The following SLC13A3 variants were observed in gnomAD, a reference collection of about 807,000 sequenced individuals.
The protein encoded by SLC13A3 is solute carrier family 13 member 3.
In SLC13A3, 40 loss-of-function variants were observed where a neutral mutation model predicts 59.0. The ratio of observed to expected loss-of-function variants is 0.68; its 90% CI spans 0.53 to 0.88. The LOEUF (loss-of-function observed/expected upper bound fraction) is 0.88, where lower values mean the gene tolerates loss of function less well. SLC13A3 is among the 40% of genes least tolerant of loss of function. The pLI is 0.00. For missense variants in SLC13A3, 699 were observed against 783.2 expected (o/e 0.89, Z 1.28); for synonymous variants, 317 against 330.3 (o/e 0.96, Z 0.44).
In SLC13A3 at chr20:46,651,318, G is replaced by A. The variant is rs1375306190; in HGVS notation, c.104C>T (p.Pro35Leu). The part of the protein sequence containing the change: ...LALLPVVFAL[P>L]PKEGRCLFVI... Reference sequence around the variant, plus strand: ...AGGCGGAGGAGGCGTTACCTTGGGCGGGAGGGCGAAGACCACCGGCAGCAG... The same window carrying A: ...AGGCGGAGGAGGCGTTACCTTGGGCAGGAGGGCGAAGACCACCGGCAGCAG... Residue 35 changes from proline (P) to leucine (L), a missense_variant, in exon 1 of 13, where the codon CCG (proline) becomes CTG (leucine). By Grantham distance (98) the Pro-to-Leu change is moderately conservative (BLOSUM62 -3). Transcript: ENST00000279027. 1.4e-5 allele frequency: 21 copies of A among 1,510,090 alleles called. No individual in the cohort carries two copies. Among genetic ancestry groups the A allele is most frequent in the African/African-American group, 2.9e-5 (2 of 69,598 alleles). 93.5% of individuals were successfully genotyped at this position (1,510,090 alleles called of 1,614,324 possible).
chr20:46,631,944 C>A (rs1268302852), intron 1 of SLC13A3, among the ~76,000 whole-genome samples: 1 of 152,114 alleles, frequency 6.6e-6, no homozygotes, highest in African/African-American at 2.4e-5. Flanking sequence ...TCTCCAGGAC[C>A]CTGGGGCAGG....
chr20:46,630,575 T>C (rs1347763762), intron 1 of SLC13A3, among the ~76,000 whole-genome samples: 1 of 152,232 alleles, frequency 6.6e-6, no homozygotes, highest in Non-Finnish European at 1.5e-5. Flanking sequence ...CTTTCCTTCT[T>C]TCATCAAAGA....
At chr20:46,588,352 C>T (rs962755840) in intron 7 of SLC13A3, among the ~76,000 whole-genome samples, 189 bp from the exon 8 acceptor site, 6 of 152,072 alleles carry the variant, frequency 3.9e-5, no homozygotes, top group African/African-American at 7.2e-5. Context: ...TAAATGATTC[C>T]TGTCCTAGGA....
intron 3 of SLC13A3, among the ~76,000 whole-genome samples, chr20:46,606,772 G>A (rs944719955): frequency 2.0e-5 from 3 of 152,242 alleles, no homozygotes; most frequent in Non-Finnish European, 2.9e-5. Flanking sequence ...ATGGCTGTGA[G>A]CTTCAGTTTC....
At chr20:46,593,418 C>T (rs2062279781) in intron 5 of SLC13A3, among the ~76,000 whole-genome samples, 1 of 152,088 alleles carries the variant, frequency 6.6e-6, no homozygotes, top group African/African-American at 2.4e-5. Context: ...TGTGGATACT[C>T]ACGGACATTT....
intron 1 of SLC13A3, among the ~76,000 whole-genome samples, chr20:46,614,802 A>G (rs1175127761): frequency 1.3e-5 from 2 of 152,212 alleles, no homozygotes; most frequent in Non-Finnish European, 2.9e-5. Context: ...ACCTTCATAC[A>G]AGTGCCCTGC....
At chr20:46,592,211 G>A (rs967679961) in intron 6 of SLC13A3, among the ~76,000 whole-genome samples, 193 bp downstream of exon 6, 3 of 151,016 alleles carry the variant, frequency 2.0e-5, no homozygotes, top group African/African-American at 4.9e-5. Context: ...GACCCTGTCT[G>A]TAAAACTAAA....
At chr20:46,593,320 TA>T (rs2062279048) in intron 5 of SLC13A3, among the ~76,000 whole-genome samples, 1 of 152,114 alleles carries the variant, frequency 6.6e-6, no homozygotes, top group Non-Finnish European at 1.5e-5. Flanking sequence ...AAATAAACTT[TA>T]AAAAAACAAC....
rs141806141 is a variant in SLC13A3 at position 46,641,852 on chromosome 20, A to G, written c.111+9459T>C. On this transcript the variant is annotated intron_variant, in intron 1 of 12. Coordinates refer to ENST00000279027, the MANE Select transcript of SLC13A3 (RefSeq NM_022829.6). ...GCATTCCTTCATATGTGAAACAACC[A>G]ATCGAGACCCCATACTCCCTACCAC... Among the ~76,000 whole-genome samples the G allele has an allele frequency of 3.1e-4, 47 of 152,306 alleles. No homozygotes were observed. The East Asian group carries it at 8.5e-3, about 28-fold the overall frequency.
chr20:46,589,331 C>T (rs1406130217), intron 6 of SLC13A3, 76 bp from the exon 7 acceptor site: 24 of 1,171,670 alleles, frequency 2.0e-5, no homozygotes, highest in Non-Finnish European at 3.8e-6. Flanking sequence ...AGCACCACCA[C>T]CTGACCAAGC....
chr20:46,585,073 C>T (rs2062177715), intron 8 of SLC13A3: 1 of 868,776 alleles, frequency 1.2e-6, no homozygotes, highest in South Asian at 5.3e-5. Flanking sequence ...AATCAAAGTG[C>T]TCCCATTCTG....
In SLC13A3 at chr20:46,566,259, G is replaced by A; in HGVS notation, c.1464C>T (p.Ile488=). The change falls in exon 11 of 13, where the codon ATC becomes ATT. Residue 488 remains isoleucine (I), a synonymous_variant. Transcript: ENST00000279027. ...FTEFASNTAT[I]IIFLPVLAEL... ...CTGCCAGGACCGGCAGGAAGATGAT[G>A]ATGGTCGCCGTGTTGCTGGCAAACT... is the stretch of plus-strand genomic sequence containing the variant. 1 of 1,613,716 alleles carries A rather than the reference G, an allele frequency of 6.2e-7. No individual in the cohort carries two copies. The highest frequency in any genetic ancestry group is 8.5e-7 in the Non-Finnish European group (1 of 1,179,714).
intron 1 of SLC13A3, among the ~76,000 whole-genome samples, chr20:46,675,332 C>A (rs1288814035): frequency 6.6e-6 from 1 of 151,612 alleles, no homozygotes; most frequent in Non-Finnish European, 1.5e-5. Flanking sequence ...CAGGTTCAAG[C>A]AATTCTCCTG....
At chr20:46,681,906 C>G (rs148061544) in intron 1 of SLC13A3, 3 of 152,166 alleles carry the variant, frequency 2.0e-5, no homozygotes, top group Non-Finnish European at 4.4e-5. Flanking sequence ...TTAGTCCACA[C>G]GTGGATTAAT....
chr20:46,674,592 C>T (rs1478302286), upstream of SLC13A3, among the ~76,000 whole-genome samples: 2 of 71,628 alleles, frequency 2.8e-5, no homozygotes, highest in East Asian at 3.4e-4. Flanking sequence ...GGGGAGTGCG[C>T]GCGCGCGCGC....
chr20:46,622,604 TTGGTGTG>T (rs1355251118), intron 1 of SLC13A3, among the ~76,000 whole-genome samples: 1 of 146,906 alleles, frequency 6.8e-6, no homozygotes, highest in Non-Finnish European at 1.5e-5. Flanking sequence ...TCAACAGGAA[TTGGTGTG>T]TGGTGTGTGC....
At position 46,558,459 on chromosome 20, in the gene SLC13A3, G is replaced by T. The variant is rs1023852110; in HGVS notation, c.*1563C>A. The T allele has an allele frequency of 2.0e-5, 3 of 152,182 alleles. No homozygotes were observed. The highest frequency in any genetic ancestry group is 2.1e-4 in the South Asian group (1 of 4,824). 9.4% of individuals were successfully genotyped at this position (152,182 alleles called of 1,614,324 possible). On this transcript the variant is annotated 3_prime_UTR_variant, in exon 13 of 13. Coordinates refer to ENST00000279027, the MANE Select transcript of SLC13A3 (RefSeq NM_022829.6). ...ACATTCTTTATTTCACAGTATTTTTGATCAGAAGTCTTAGAAATCATGATT... is the reference window on the plus strand; with the variant it reads ...ACATTCTTTATTTCACAGTATTTTTTATCAGAAGTCTTAGAAATCATGATT...
At chr20:46,596,484 A>C (rs2062314489) in intron 4 of SLC13A3, 142 bp from the exon 5 acceptor site, 1 of 678,204 alleles carries the variant, frequency 1.5e-6, no homozygotes, top group African/African-American at 1.8e-5. Flanking sequence ...GCAACTCTTC[A>C]GCTCAGATGT....
intron 10 of SLC13A3, 192 bp from the exon 11 acceptor site, chr20:46,566,582 C>G (rs2061983086): frequency 1.9e-6 from 1 of 540,424 alleles, no homozygotes; most frequent in Non-Finnish European, 3.2e-6. Context: ...CCAGCAGCCT[C>G]TCTACTTCTC....
Sources: allele counts gnomAD v4.1 joint callset (sites outside exome capture counted in the v4.1 genomes callset), GRCh38; gene constraint gnomAD v4.1.1; transcripts MANE v1.5; gene names NCBI Gene and HGNC (gene_info 2026-07-23, HGNC 2026-07-21).